KCTD2: variants seen among roughly 807,000 people sequenced by gnomAD.
The protein encoded by KCTD2 is potassium channel tetramerization domain containing 2.
KCTD2 carries 18 observed loss-of-function variants against 27.9 expected under a neutral mutation model. That is an observed-to-expected ratio of 0.64 (90% confidence interval 0.45 to 0.96). The LOEUF is 0.96. Among genes scored for constraint, KCTD2 ranks in the 40% least tolerant of loss-of-function variants. The pLI is 0.00. For missense variants in KCTD2, 280 were observed against 348.0 expected, an observed-to-expected ratio of 0.80 and a Z score of 1.56; for synonymous variants, 175 against 148.4, an observed-to-expected ratio of 1.18 and a Z score of -1.30.
chr17:75,057,749 TG>T (rs1379344940), intron 3 of KCTD2, among the ~76,000 whole-genome samples: 2 of 151,640 alleles, frequency 1.3e-5, no homozygotes, highest in Non-Finnish European at 2.9e-5. Flanking sequence ...TTAGTAGAGA[TG>T]GGGTTTCACC....
At chr17:75,062,699 A>ACACACACACACAC (rs1555642380) in intron 5 of KCTD2, among the ~76,000 whole-genome samples, 24 of 116,066 alleles carry the variant, frequency 2.1e-4, no homozygotes, top group Admixed American at 3.6e-4. Flanking sequence ...CCTCACCCCC[A>ACACACACACACAC]ACACACACAC....
At chr17:75,053,239 A>G (rs548317227) in intron 3 of KCTD2, 134 bp downstream of exon 3, 1 of 690,324 alleles carries the variant, frequency 1.4e-6, no homozygotes, top group South Asian at 1.7e-5. Flanking sequence ...CAGGGAATGC[A>G]CACTCAGCCA....
intron 4 of KCTD2, chr17:75,060,471 T>G: frequency 6.2e-7 from 1 of 1,611,316 alleles, no homozygotes. Flanking sequence ...GGTGATACTT[T>G]CAGAAACCAG....
intron 3 of KCTD2, among the ~76,000 whole-genome samples, chr17:75,038,570 C>G (rs1053925791): frequency 6.6e-6 from 1 of 152,226 alleles, no homozygotes; most frequent in Admixed American, 6.5e-5. Flanking sequence ...AGCAGGAGCA[C>G]TCCCTTGGAA....
intron 3 of KCTD2, chr17:75,040,227 G>A (rs117189411): frequency 0.023 from 36,310 of 1,594,552 alleles, 463 homozygotes; most frequent in Non-Finnish European, 0.027. Flanking sequence ...ACAGTGAGTC[G>A]TCGCCAATAC....
chr17:75,055,392 C>CT, intron 3 of KCTD2, among the ~76,000 whole-genome samples: 1 of 151,548 alleles, frequency 6.6e-6, no homozygotes, highest in East Asian at 2.0e-4. Context: ...ATGCCTTGGT[C>CT]TTTCTATGTT....
At chr17:75,060,223 T>G (rs2073389956) in intron 4 of KCTD2, among the ~76,000 whole-genome samples, 1 of 151,596 alleles carries the variant, frequency 6.6e-6, no homozygotes, top group African/African-American at 2.4e-5. Context: ...GCGAATAGAG[T>G]AAATACAATT....
chr17:75,036,287 A>G (rs1304308929), intron 3 of KCTD2, among the ~76,000 whole-genome samples: 1 of 151,792 alleles, frequency 6.6e-6, no homozygotes, highest in African/African-American at 2.4e-5. Context: ...CACACTGGCT[A>G]ATTTTTTGTA....
chr17:75,033,868 C>T (rs1448546341), intron 1 of KCTD2, among the ~76,000 whole-genome samples: 1 of 152,274 alleles, frequency 6.6e-6, no homozygotes, highest in Admixed American at 6.5e-5. Flanking sequence ...GGGACACTCG[C>T]TTATGAGGGG....
chr17:75,036,896 G>C (rs932243136), intron 3 of KCTD2, among the ~76,000 whole-genome samples: 1 of 152,114 alleles, frequency 6.6e-6, no homozygotes, highest in Non-Finnish European at 1.5e-5. Context: ...GTTTTGGGGG[G>C]AGTAGACTCC....
At position 75,047,510 on chromosome 17, in the gene KCTD2, G is replaced by A. The variant is rs1395778533; in HGVS notation, c.260G>A (p.Arg87Lys). ...NVGGTYFVTT[R>K]QTLGREPKSF... ...GGAGGCACCTACTTCGTGACCACCAGACAGACCTTAGGCCGGGAGCCCAAG... is the reference window on the plus strand; with the variant it reads ...GGAGGCACCTACTTCGTGACCACCAAACAGACCTTAGGCCGGGAGCCCAAG... The change falls in exon 1 of 6, where the codon AGA becomes AAA. Residue 87 changes from arginine to lysine, a missense_variant. Physicochemically the swap from Arg to Lys is conservative, Grantham distance 26. Coordinates refer to ENST00000322444, the MANE Select transcript of KCTD2 (RefSeq NM_015353.3). 1.2e-5 allele frequency: 20 copies of A among 1,610,938 alleles called. No homozygotes were observed. Among genetic ancestry groups the A allele is most frequent in the Non-Finnish European group, 1.7e-5 (20 of 1,179,370 alleles).
intron 3 of KCTD2, among the ~76,000 whole-genome samples, chr17:75,036,570 AG>A (rs2040115629): frequency 6.6e-6 from 1 of 152,278 alleles, no homozygotes; most frequent in Non-Finnish European, 1.5e-5. Context: ...TATTTAGCAC[AG>A]GGAATCTCCC....
Position 75,063,057 on chromosome 17 carries a change from C to G in KCTD2, c.*10C>G. ...AGGATCGCGGATGTAAACTAAGACC[C>G]CGAAAACTCCAGACCTTCAGGAGAG... On this transcript the variant is annotated 3_prime_UTR_variant, in exon 6 of 6. Coordinates refer to ENST00000322444, the MANE Select transcript of KCTD2 (RefSeq NM_015353.3). 6.2e-7 allele frequency: 1 copy of G among 1,613,674 alleles called. No individual in the cohort carries two copies. The highest frequency in any genetic ancestry group is 8.5e-7 in the Non-Finnish European group (1 of 1,179,724).
intron 1 of KCTD2, 115 bp from the exon 2 acceptor site, chr17:75,049,105 C>G (rs1030980089): frequency 1.3e-5 from 8 of 609,934 alleles, no homozygotes; most frequent in South Asian, 8.0e-5. Context: ...TCTTTTTTAG[C>G]TGATGGAATG....
upstream of KCTD2, among the ~76,000 whole-genome samples, chr17:75,043,511 G>A (rs1274196433): frequency 6.6e-6 from 1 of 151,340 alleles, no homozygotes; most frequent in Admixed American, 6.6e-5. Flanking sequence ...TACTCAAGAG[G>A]CTTAGACAGG....
rs1039270219 is a variant in KCTD2 at position 75,061,864 on chromosome 17, G to C, written c.637-256G>C. ...TGGGCATGTTAATCCTGCCGCTGAC[G>C]GGGGGGGACTTCAGAGCTTGGGTGA... On this transcript the variant is annotated intron_variant, in intron 4 of 5. Transcript: ENST00000322444. Among the ~76,000 whole-genome samples the C allele has an allele frequency of 9.3e-4, 134 of 143,318 alleles. 1 individual carries two copies. Among genetic ancestry groups the C allele is most frequent in the African/African-American group, 3.1e-3 (124 of 39,828 alleles). The allele number at this position is 143,318 out of a possible 152,430, so 94.0% of individuals were successfully genotyped here.
upstream of KCTD2, chr17:75,042,275 A>G: frequency 6.2e-7 from 1 of 1,613,848 alleles, no homozygotes; most frequent in Non-Finnish European, 8.5e-7. Context: ...TAAAGCAGCC[A>G]ACCTGCCCAC....
intron 3 of KCTD2, among the ~76,000 whole-genome samples, chr17:75,053,972 C>T (rs2073322433): frequency 6.8e-6 from 1 of 148,058 alleles, no homozygotes; most frequent in Middle Eastern, 3.6e-3. Context: ...CTGAACCATG[C>T]TTCTAAGAAC....
At chr17:75,053,404 C>T (rs1386539070) in intron 3 of KCTD2, among the ~76,000 whole-genome samples, 2 of 152,070 alleles carry the variant, frequency 1.3e-5, no homozygotes, top group Non-Finnish European at 2.9e-5. Flanking sequence ...ATGTCTCCCT[C>T]CTAAAGACCA....
Sources: allele counts gnomAD v4.1 joint callset (sites outside exome capture counted in the v4.1 genomes callset), GRCh38; gene constraint gnomAD v4.1.1; transcripts MANE v1.5; gene names NCBI Gene and HGNC (gene_info 2026-07-23, HGNC 2026-07-21).